Variants in SNX29 observed in about 807,000 individuals in gnomAD.
The protein encoded by SNX29 is sorting nexin-29.
In SNX29, 78 loss-of-function variants were observed where a neutral mutation model predicts 102.1. The ratio of observed to expected loss-of-function variants is 0.76; its 90% CI spans 0.64 to 0.92. The LOEUF is 0.92. SNX29 is among the 40% of genes least tolerant of loss of function. The pLI, the probability that SNX29 is intolerant of heterozygous loss-of-function variation, is 0.00. For synonymous variants in SNX29, 580 were observed against 414.5 expected, an observed-to-expected ratio of 1.40 and a Z score of -4.85; for missense variants, 1,280 against 1,061.7, an observed-to-expected ratio of 1.21 and a Z score of -2.86.
At chr16:12,421,784 A>G (rs529477069) in intron 18 of SNX29, among the ~76,000 whole-genome samples, 3 of 152,124 alleles carry the variant, frequency 2.0e-5, no homozygotes, top group Non-Finnish European at 4.4e-5. Flanking sequence ...AGTTATCATC[A>G]TCATCACCAA....
At chr16:12,509,154 A>G (rs1180980838) in intron 19 of SNX29, among the ~76,000 whole-genome samples, 4 of 152,170 alleles carry the variant, frequency 2.6e-5, no homozygotes, top group African/African-American at 9.7e-5. Flanking sequence ...AGTCCCACCT[A>G]ATGCCACCAC....
intron 11 of SNX29, among the ~76,000 whole-genome samples, chr16:12,126,360 T>A (rs1169871408): frequency 6.6e-6 from 1 of 152,202 alleles, no homozygotes; most frequent in African/African-American, 2.4e-5. Context: ...TCTCATTTTA[T>A]AGATAAGGGA....
chr16:12,169,007 C>G (rs2076081995), intron 13 of SNX29, among the ~76,000 whole-genome samples: 1 of 152,206 alleles, frequency 6.6e-6, no homozygotes, highest in Non-Finnish European at 1.5e-5. Flanking sequence ...TCCGTCACAG[C>G]TGAAGGATGG....
chr16:12,138,140 A>G (rs350280), intron 13 of SNX29, among the ~76,000 whole-genome samples: 67,666 of 151,266 alleles, frequency 0.45, 16,789 homozygotes, highest in East Asian at 0.7. Context: ...AAACTGCTTG[A>G]GATGAGGTCC....
intron 20 of SNX29, among the ~76,000 whole-genome samples, chr16:12,556,940 C>A (rs936300891): frequency 3.5e-3 from 63 of 18,144 alleles, no homozygotes; most frequent in African/African-American, 0.017. Context: ...ACAGCCTCTG[C>A]CGCTCAGGCT....
chr16:12,327,344 C>T (rs375824176), intron 15 of SNX29, among the ~76,000 whole-genome samples: 32 of 152,142 alleles, frequency 2.1e-4, no homozygotes, highest in African/African-American at 7.7e-4. Flanking sequence ...CTAGAGCTGC[C>T]CTAACAGAGT....
intron 20 of SNX29, among the ~76,000 whole-genome samples, chr16:12,550,190 C>G (rs778252313): frequency 5.9e-5 from 9 of 152,172 alleles, no homozygotes; most frequent in African/African-American, 1.7e-4. Context: ...GACATTATTA[C>G]TAAGAGGATA....
intron 18 of SNX29, among the ~76,000 whole-genome samples, chr16:12,426,235 A>G (rs951646020): frequency 3.3e-5 from 5 of 152,214 alleles, no homozygotes; most frequent in South Asian, 4.1e-4. Flanking sequence ...CTCATGCCAC[A>G]CATCCATCAT....
chr16:12,401,864 C>T (rs1355904230), intron 17 of SNX29, among the ~76,000 whole-genome samples: 1 of 152,096 alleles, frequency 6.6e-6, no homozygotes, highest in East Asian at 1.9e-4. Context: ...AGATGGGTCA[C>T]TTAAACAATC....
chr16:12,414,515 TGAA>T (rs1476130568), intron 18 of SNX29, among the ~76,000 whole-genome samples: 18 of 152,254 alleles, frequency 1.2e-4, no homozygotes, highest in Admixed American at 1.0e-3. Flanking sequence ...AACAAAAACA[TGAA>T]GAAGAGGAAC....
In SNX29 at chr16:12,529,643, T is replaced by TCAGCAGAAAACCCAGTCTGGGTTTC. The variant is rs1458645923; in HGVS notation, c.2318+4804_2318+4828dup. 3.3e-5 allele frequency among the ~76,000 whole-genome samples: 5 copies of TCAGCAGAAAACCCAGTCTGGGTTTC among 152,296 alleles called. No individual in the cohort carries two copies. The East Asian group carries it at 7.7e-4, about 24-fold the overall frequency. On this transcript the variant is annotated intron_variant, in intron 20 of 20. Coordinates refer to ENST00000566228, the MANE Select transcript of SNX29 (RefSeq NM_032167.5). ...ACAGCACAAATTCCCAACTGGATTTTCAGCAGAAAACCCAGTCTGGGTTTC... is the reference window on the plus strand; with the variant it reads ...ACAGCACAAATTCCCAACTGGATTTTCAGCAGAAAACCCAGTCTGGGTTTCCAGCAGAAAACCCAGTCTGGGTTTC...
intron 18 of SNX29, among the ~76,000 whole-genome samples, chr16:12,415,953 C>G (rs894059493): frequency 7.2e-5 from 11 of 152,132 alleles, no homozygotes; most frequent in Non-Finnish European, 1.5e-4. Flanking sequence ...CTGTACAGCT[C>G]GTCCTGGGAG....
chr16:12,257,753 C>T (rs1248359502), intron 14 of SNX29, among the ~76,000 whole-genome samples: 2 of 150,216 alleles, frequency 1.3e-5, no homozygotes, highest in East Asian at 1.9e-4. Context: ...GTCTCGAACT[C>T]CTGATCTCAA....
intron 14 of SNX29, among the ~76,000 whole-genome samples, chr16:12,206,508 A>G (rs887173235): frequency 6.6e-6 from 1 of 152,146 alleles, no homozygotes; most frequent in Non-Finnish European, 1.5e-5. Flanking sequence ...AGAGTTGGAA[A>G]GAGATGCACG....
At chr16:12,052,299 C>G in intron 8 of SNX29, 77 bp downstream of exon 8, 2 of 1,519,096 alleles carry the variant, frequency 1.3e-6, no homozygotes, top group Non-Finnish European at 1.8e-6. Context: ...TCACTGCAAC[C>G]TCCACCTCCC....
At chr16:12,545,940 T>C (rs1244495426) in intron 20 of SNX29, among the ~76,000 whole-genome samples, 1 of 152,154 alleles carries the variant, frequency 6.6e-6, no homozygotes, top group African/African-American at 2.4e-5. Flanking sequence ...ATTTATGTAT[T>C]ATCCTGACAA....
Position 12,300,312 on chromosome 16 carries a change from C to G in SNX29, c.1782+22276C>G, listed in dbSNP as rs529197745. 5.3e-5 allele frequency among the ~76,000 whole-genome samples: 8 copies of G among 152,272 alleles called. No individual in the cohort carries two copies. In the South Asian group the frequency reaches 1.7e-3, roughly 32 times the overall value. The stretch of plus-strand genomic sequence containing the variant: ...CCTGTCTTCCACCACTTTCTCCAAC[C>G]AAGGCAGAGTTGATCACATTTTCCT... On this transcript the variant is annotated intron_variant, in intron 15 of 20. Transcript: ENST00000566228.
chr16:12,551,925 G>A (rs548667938), intron 20 of SNX29, among the ~76,000 whole-genome samples: 2 of 152,308 alleles, frequency 1.3e-5, no homozygotes, highest in East Asian at 3.9e-4. Flanking sequence ...ACCACACAGA[G>A]CCACTGTGAG....
Position 12,513,183 on chromosome 16 carries a change from C to A in SNX29, c.2179-11519C>A, listed in dbSNP as rs532349599. ...AACTCCTCTCCCCTCCCTCCCATAC[C>A]TTTCCTCCCTCTCCCTTGCCCTGCC... is the stretch of plus-strand genomic sequence containing the variant. On this transcript the variant is annotated intron_variant, in intron 19 of 20. Coordinates refer to ENST00000566228, the MANE Select transcript of SNX29 (RefSeq NM_032167.5). 9.0e-4 allele frequency among the ~76,000 whole-genome samples: 136 copies of A among 151,014 alleles called. 1 individual carries two copies. The highest frequency in any genetic ancestry group is 1.4e-3 in the Non-Finnish European group (94 of 67,724).
Sources: allele counts gnomAD v4.1 joint callset (sites outside exome capture counted in the v4.1 genomes callset), GRCh38; gene constraint gnomAD v4.1.1; transcripts MANE v1.5; gene names NCBI Gene and HGNC (gene_info 2026-07-23, HGNC 2026-07-21).